The following CHL1 variants were observed in gnomAD, a reference collection of about 807,000 sequenced individuals.
CHL1 encodes the protein cell adhesion molecule L1 like.
CHL1 carries 96 observed loss-of-function variants against 141.9 expected under a neutral mutation model. The ratio of observed to expected loss-of-function variants is 0.68; its 90% CI spans 0.57 to 0.80. The LOEUF (loss-of-function observed/expected upper bound fraction) is 0.80, where lower values mean the gene tolerates loss of function less well. CHL1 is among the 30% of genes least tolerant of loss of function. CHL1 has a pLI of 0.00. For missense variants in CHL1, 1,820 were observed against 1,457.2 expected (o/e 1.25, Z -4.05); for synonymous variants, 613 against 502.2 (o/e 1.22, Z -2.95).
chr3:343,202 G>A (rs1010851202), intron 8 of CHL1, among the ~76,000 whole-genome samples, 171 bp downstream of exon 8: 2 of 152,092 alleles, frequency 1.3e-5, no homozygotes, highest in African/African-American at 4.8e-5. Context: ...TATATGCAAA[G>A]GGAGTGATTT....
At chr3:242,201 G>A (rs886722798) in intron 1 of CHL1, among the ~76,000 whole-genome samples, 3 of 152,138 alleles carry the variant, frequency 2.0e-5, no homozygotes, top group African/African-American at 7.2e-5. Context: ...ATATGTGTGT[G>A]TATATATTTC....
In CHL1 at chr3:356,720, G is replaced by A. The variant is rs144003310; in HGVS notation, c.1165+1949G>A. On this transcript the variant is annotated intron_variant, in intron 11 of 27. Coordinates refer to ENST00000256509, the MANE Select transcript of CHL1 (RefSeq NM_006614.4). Reference sequence around the variant, plus strand: ...GAAAGTGCTGTCTCAGTGGAGAGGTGTGTTGAGGAGGAGAAAAGAGGTGAG... The same window carrying A: ...GAAAGTGCTGTCTCAGTGGAGAGGTATGTTGAGGAGGAGAAAAGAGGTGAG... Among the ~76,000 whole-genome samples the A allele has an allele frequency of 9.9e-3, 1,511 of 152,278 alleles. 5 individuals carry two copies. Among genetic ancestry groups the A allele is most frequent in the Non-Finnish European group, 0.015 (1,023 of 68,026 alleles).
At chr3:317,749 G>A (rs1700255210) in intron 2 of CHL1, among the ~76,000 whole-genome samples, 1 of 151,072 alleles carries the variant, frequency 6.6e-6, no homozygotes, top group African/African-American at 2.4e-5. Context: ...ATGGTTTAAT[G>A]TCTCCCAACT....
At chr3:327,575 A>G (rs1701113951) in intron 4 of CHL1, among the ~76,000 whole-genome samples, 1 of 152,048 alleles carries the variant, frequency 6.6e-6, no homozygotes, top group Admixed American at 6.6e-5. Context: ...TTCTCACAAT[A>G]TTGTTCATAA....
At chr3:360,916 T>C (rs1241377899) in intron 12 of CHL1, among the ~76,000 whole-genome samples, 2 of 151,360 alleles carry the variant, frequency 1.3e-5, no homozygotes, top group Non-Finnish European at 2.9e-5. Context: ...ACAAAGGACA[T>C]GAACTCATCA....
At chr3:260,395 C>T (rs1219380907) in intron 2 of CHL1, among the ~76,000 whole-genome samples, 2 of 152,174 alleles carry the variant, frequency 1.3e-5, no homozygotes, top group African/African-American at 4.8e-5. Context: ...AAGTCAACTG[C>T]ATATTACTGG....
In CHL1 at chr3:360,411, T is replaced by C. The variant is rs753707324; in HGVS notation, c.1293T>C (p.Asn431=). The change falls in exon 12 of 28, where the codon AAT becomes AAC. Residue 431 remains asparagine, a synonymous_variant. Transcript: ENST00000256509. The stretch of plus-strand genomic sequence containing the variant: ...ATGGAACTATCCTTGCCAATGCCAA[T>C]ATTGATGTTGTGGGTGAGTGTGCCT... The part of the protein sequence containing the change: ...NVHGTILANA[N]IDVVDVRPLI... The C allele has an allele frequency of 6.2e-7, 1 of 1,613,554 alleles. No individual in the cohort carries two copies.
chr3:364,308 T>A (rs1704594852), intron 14 of CHL1, among the ~76,000 whole-genome samples: 2 of 152,224 alleles, frequency 1.3e-5, no homozygotes, highest in Admixed American at 1.3e-4. Context: ...TATCTACTTA[T>A]CTCTGATGTC....
At chr3:200,379 A>C (rs934497601) in intron 1 of CHL1, among the ~76,000 whole-genome samples, 5 of 152,184 alleles carry the variant, frequency 3.3e-5, no homozygotes, top group Non-Finnish European at 7.4e-5. Context: ...AGGTATAATC[A>C]AGAGAATGAA....
At chr3:200,791 G>A (rs1698852579) in intron 1 of CHL1, among the ~76,000 whole-genome samples, 1 of 152,110 alleles carries the variant, frequency 6.6e-6, no homozygotes, top group Admixed American at 6.5e-5. Context: ...CTCACCCCTT[G>A]GGGGAGACTG....
At chr3:374,379 T>C (rs545089580) in intron 15 of CHL1, among the ~76,000 whole-genome samples, 1 of 152,276 alleles carries the variant, frequency 6.6e-6, no homozygotes, top group South Asian at 2.1e-4. Flanking sequence ...CAGATATGCC[T>C]AAATTCTGCC....
At chr3:244,228 C>T (rs1692941992) in intron 1 of CHL1, among the ~76,000 whole-genome samples, 4 of 152,182 alleles carry the variant, frequency 2.6e-5, no homozygotes, top group African/African-American at 9.6e-5. Flanking sequence ...TTAGTCACAG[C>T]ATCAGACAGA....
chr3:299,863 G>A (rs1286474518), intron 2 of CHL1, among the ~76,000 whole-genome samples: 1 of 152,180 alleles, frequency 6.6e-6, no homozygotes, highest in Non-Finnish European at 1.5e-5. Flanking sequence ...TAGTGAGATT[G>A]CTTTGGAAAT....
intron 1 of CHL1, among the ~76,000 whole-genome samples, chr3:220,078 G>A (rs1436899085): frequency 1.3e-5 from 2 of 152,068 alleles, no homozygotes; most frequent in East Asian, 3.9e-4. Flanking sequence ...ACATACTGTG[G>A]GATTTCATTT....
chr3:331,229 G>C (rs1013868800), intron 5 of CHL1, among the ~76,000 whole-genome samples: 8 of 150,396 alleles, frequency 5.3e-5, no homozygotes, highest in Non-Finnish European at 2.9e-5. Context: ...TTGTTTGTTT[G>C]TTTGTTTGTT....
intron 11 of CHL1, among the ~76,000 whole-genome samples, chr3:358,566 A>C (rs188811097): frequency 6.6e-6 from 1 of 152,158 alleles, no homozygotes; most frequent in Non-Finnish European, 1.5e-5. Context: ...TCAGGAATAA[A>C]GGTTACCCAA....
chr3:303,106 T>C (rs1698906991), intron 2 of CHL1, among the ~76,000 whole-genome samples: 2 of 152,220 alleles, frequency 1.3e-5, no homozygotes, highest in Admixed American at 6.5e-5. Context: ...TCTATATATC[T>C]GTTTTGGTAC....
At chr3:271,791 G>T (rs1256700733) in intron 2 of CHL1, among the ~76,000 whole-genome samples, 1 of 152,164 alleles carries the variant, frequency 6.6e-6, no homozygotes, top group Non-Finnish European at 1.5e-5. Context: ...ATTGATGAAT[G>T]TGGGTAAGGA....
chr3:265,632 C>T (rs780255944), intron 2 of CHL1, among the ~76,000 whole-genome samples: 1 of 152,096 alleles, frequency 6.6e-6, no homozygotes, highest in Non-Finnish European at 1.5e-5. Context: ...TACTAGAATT[C>T]TATTCAATGA....
Sources: allele counts gnomAD v4.1 joint callset (sites outside exome capture counted in the v4.1 genomes callset), GRCh38; gene constraint gnomAD v4.1.1; transcripts MANE v1.5; gene names NCBI Gene and HGNC (gene_info 2026-07-23, HGNC 2026-07-21).